ANKS1B: variants seen among roughly 807,000 people sequenced by gnomAD.
ANKS1B encodes ankyrin repeat and sterile alpha motif domain containing 1B.
Under a neutral mutation model 148.3 loss-of-function variants are expected in ANKS1B, and 36 were observed. That is an observed-to-expected ratio of 0.24 (90% CI 0.19 to 0.32). ANKS1B has a LOEUF of 0.32. Ranked by LOEUF, ANKS1B falls within the 10% of genes least tolerant of loss-of-function variation. The pLI, the probability that ANKS1B is intolerant of heterozygous loss-of-function variation, is 1.00. For synonymous variants in ANKS1B, 542 were observed against 560.8 expected (o/e 0.97, Z 0.47); for missense variants, 1,157 against 1,542.6 (o/e 0.75, Z 4.19).
chr12:99,369,788 AGATG>A lies in ANKS1B; in HGVS notation c.1756+29839_1756+29842del, dbSNP rs1555404969. 1.5e-3 allele frequency among the ~76,000 whole-genome samples: 156 copies of A among 103,902 alleles called. 1 individual carries two copies. Among genetic ancestry groups the A allele is most frequent in the Middle Eastern group, 4.5e-3 (1 of 222 alleles). The allele number at this position is 103,902 out of a possible 152,430, so 68.2% of individuals were successfully genotyped here. A position where few individuals can be genotyped will look rare whatever the true frequency, so the allele number is the denominator to read the frequency against. On this transcript the variant is annotated intron_variant, in intron 12 of 26. Transcript: ENST00000683438. The stretch of plus-strand genomic sequence containing the variant: ...TAGATAGATAGATAGATAGATAGAT[AGATG>A]GACGGACGGACAGACGGACGGACGG...
chr12:99,801,314 T>A (rs2066922724), intron 4 of ANKS1B, among the ~76,000 whole-genome samples: 2 of 152,138 alleles, frequency 1.3e-5, no homozygotes, highest in African/African-American at 4.8e-5. Flanking sequence ...TCCCCCAGCT[T>A]CTTCAAGAAG....
intron 9 of ANKS1B, among the ~76,000 whole-genome samples, chr12:99,536,907 C>T (rs1313197195): frequency 1.3e-5 from 2 of 152,120 alleles, no homozygotes; most frequent in African/African-American, 2.4e-5. Context: ...ACCACAAACC[C>T]CACACTACCA....
At chr12:98,971,628 G>T (rs12312113) in intron 17 of ANKS1B, among the ~76,000 whole-genome samples, 86 of 152,246 alleles carry the variant, frequency 5.6e-4, no homozygotes, top group African/African-American at 2.0e-3. Context: ...CAAATGAAGG[G>T]CTGTGTGTCT....
chr12:98,741,579 C>T (rs555766134), downstream of ANKS1B, among the ~76,000 whole-genome samples: 12 of 152,278 alleles, frequency 7.9e-5, no homozygotes, highest in African/African-American at 2.4e-4. Context: ...AGGCACAGCC[C>T]CATCCCCCTC....
intron 12 of ANKS1B, among the ~76,000 whole-genome samples, chr12:99,368,628 T>A (rs183489764): frequency 0.012 from 1,801 of 152,194 alleles, 13 homozygotes; most frequent in Non-Finnish European, 0.017. Context: ...TATATGCGTA[T>A]TTTTTCTTGC....
At chr12:99,120,502 C>T (rs2153723598) in intron 15 of ANKS1B, among the ~76,000 whole-genome samples, 1 of 152,022 alleles carries the variant, frequency 6.6e-6, no homozygotes, top group East Asian at 1.9e-4. Context: ...TTTCTTTGGG[C>T]CAGAAAACTG....
At chr12:99,794,132 C>A (rs1047927067) in intron 4 of ANKS1B, among the ~76,000 whole-genome samples, 13 of 151,948 alleles carry the variant, frequency 8.6e-5, no homozygotes, top group African/African-American at 2.9e-4. Context: ...TGTCACCTCA[C>A]CCCAGTTAAA....
At chr12:99,090,901 T>C (rs1599770041) in intron 15 of ANKS1B, among the ~76,000 whole-genome samples, 1 of 152,148 alleles carries the variant, frequency 6.6e-6, no homozygotes, top group Non-Finnish European at 1.5e-5. Context: ...TAATGGATGA[T>C]GTGCTTCTTC....
chr12:99,384,396 T>C (rs2093772875), intron 12 of ANKS1B, among the ~76,000 whole-genome samples: 1 of 152,190 alleles, frequency 6.6e-6, no homozygotes, highest in Non-Finnish European at 1.5e-5. Flanking sequence ...TCAATGAAGC[T>C]GAGGACAACT....
intron 17 of ANKS1B, among the ~76,000 whole-genome samples, chr12:98,924,552 C>T (rs2099805650): frequency 6.6e-6 from 1 of 151,956 alleles, no homozygotes. Context: ...TGTTTTTTTG[C>T]CCATTGGTCG....
At chr12:99,610,328 C>T (rs985751760) in intron 9 of ANKS1B, among the ~76,000 whole-genome samples, 1 of 152,000 alleles carries the variant, frequency 6.6e-6, no homozygotes, top group South Asian at 2.1e-4. Context: ...CCTCATTCTT[C>T]CTGACCTCTC....
chr12:99,107,732 A>T (rs1381369622), intron 15 of ANKS1B, among the ~76,000 whole-genome samples: 1 of 152,200 alleles, frequency 6.6e-6, no homozygotes, highest in Non-Finnish European at 1.5e-5. Context: ...TAGGTTTGCC[A>T]CAATTTTCTT....
intron 14 of ANKS1B, among the ~76,000 whole-genome samples, chr12:99,192,389 T>C (rs1407559670): frequency 6.6e-6 from 1 of 152,142 alleles, no homozygotes; most frequent in Non-Finnish European, 1.5e-5. Context: ...TCTATTTGTT[T>C]CTCTAGGCCA....
chr12:99,201,582 C>T (rs140973914), intron 14 of ANKS1B, among the ~76,000 whole-genome samples: 64 of 152,276 alleles, frequency 4.2e-4, no homozygotes, highest in East Asian at 7.7e-4. Flanking sequence ...AATGCCAACA[C>T]GCTCCTGTCT....
At chr12:99,689,498 T>C (rs1290263151) in intron 8 of ANKS1B, among the ~76,000 whole-genome samples, 1 of 152,216 alleles carries the variant, frequency 6.6e-6, no homozygotes, top group African/African-American at 2.4e-5. Context: ...GTGAATAATA[T>C]GCAACATCAC....
At chr12:99,094,760 G>T (rs780255553) in intron 15 of ANKS1B, among the ~76,000 whole-genome samples, 1 of 152,170 alleles carries the variant, frequency 6.6e-6, no homozygotes, top group Non-Finnish European at 1.5e-5. Context: ...GGAAAGAAAC[G>T]CAGGAAATAA....
At chr12:99,837,375 T>C (rs551511277) in intron 1 of ANKS1B, among the ~76,000 whole-genome samples, 1 of 152,200 alleles carries the variant, frequency 6.6e-6, no homozygotes, top group East Asian at 1.9e-4. Context: ...ACAGCAGCAA[T>C]GGGAAACTAA....
chr12:99,589,701 T>G (rs745514165), intron 9 of ANKS1B, among the ~76,000 whole-genome samples: 39 of 152,088 alleles, frequency 2.6e-4, no homozygotes, highest in Non-Finnish European at 4.6e-4. Flanking sequence ...AAGATATCCA[T>G]CAGAACATAA....
At chr12:99,959,199 T>C (rs908689208) in intron 1 of ANKS1B, among the ~76,000 whole-genome samples, 3 of 150,584 alleles carry the variant, frequency 2.0e-5, no homozygotes, top group African/African-American at 7.3e-5. Flanking sequence ...TAGCTTGGAC[T>C]ACAGGTGCAG....
Sources: allele counts gnomAD v4.1 joint callset (sites outside exome capture counted in the v4.1 genomes callset), GRCh38; gene constraint gnomAD v4.1.1; transcripts MANE v1.5; gene names NCBI Gene and HGNC (gene_info 2026-07-23, HGNC 2026-07-21).